Variants in FRMPD4 observed in about 807,000 individuals in gnomAD.
FRMPD4 encodes the protein FERM and PDZ domain-containing protein 4.
A neutral mutation model predicts 94.1 loss-of-function variants in FRMPD4; 22 were observed. The observed-to-expected ratio is 0.23, with a 90% CI of 0.17 to 0.33. FRMPD4 has a LOEUF of 0.33. Among genes scored for constraint, FRMPD4 ranks in the 10% least tolerant of loss-of-function variants. FRMPD4 has a pLI of 1.00. For synonymous variants in FRMPD4, 631 were observed against 548.6 expected, an observed-to-expected ratio of 1.15 and a Z score of -2.10; for missense variants, 1,111 against 1,339.9, an observed-to-expected ratio of 0.83 and a Z score of 2.67.
At chrX:12,261,306 G>A (rs2054185266) in intron 1 of FRMPD4, among the ~76,000 whole-genome samples, 1 of 111,969 alleles carries the variant, frequency 8.9e-6, no homozygotes, top group African/African-American at 3.2e-5. Flanking sequence ...AAAATAGAAT[G>A]TAAAATATAC....
intron 1 of FRMPD4, among the ~76,000 whole-genome samples, chrX:11,847,123 A>AC (rs1265469463): frequency 9.0e-6 from 1 of 110,769 alleles, no homozygotes; most frequent in Admixed American, 9.6e-5. Flanking sequence ...AATTTTCGCA[A>AC]CCTACTCATG....
chrX:12,710,634 G>A lies in FRMPD4; in HGVS notation c.1609+97G>A, dbSNP rs746784507. On this transcript the variant is annotated intron_variant, in intron 14 of 16. Coordinates refer to ENST00000675598, the MANE Select transcript of FRMPD4 (RefSeq NM_001368397.1). ...GTTTTCTGAAAAGTTAAGGCCAGGC[G>A]CGGTGGCTCACGCCTGTAATCCTGG... 4.3e-5 allele frequency: 36 copies of A among 837,312 alleles called. No individual in the cohort carries two copies. The South Asian group carries it at 4.4e-4, about 10-fold the overall frequency. 69.0% of individuals were successfully genotyped at this position (837,312 alleles called of 1,213,427 possible).
At chrX:12,532,392 T>C (rs1429684537) in intron 2 of FRMPD4, among the ~76,000 whole-genome samples, 1 of 111,730 alleles carries the variant, frequency 9.0e-6, no homozygotes, top group Non-Finnish European at 1.9e-5. Context: ...TGGATAGACT[T>C]CAGAGAGTCC....
At chrX:12,219,973 C>T (rs1410966430) in intron 1 of FRMPD4, among the ~76,000 whole-genome samples, 1 of 111,802 alleles carries the variant, frequency 8.9e-6, no homozygotes, top group Admixed American at 9.5e-5. Flanking sequence ...GAAACCCTGT[C>T]TCTACCAAAA....
chrX:11,967,623 A>C (rs781275716), intron 3 of FRMPD4, among the ~76,000 whole-genome samples: 1 of 111,496 alleles, frequency 9.0e-6, no homozygotes, highest in South Asian at 3.8e-4. Context: ...TCAGAACCAA[A>C]TACTGGTCTT....
intron 1 of FRMPD4, among the ~76,000 whole-genome samples, chrX:12,246,165 C>T (rs1425257038): frequency 9.0e-6 from 1 of 111,539 alleles, no homozygotes; most frequent in African/African-American, 3.3e-5. Context: ...AATTACTGAA[C>T]CCCAAACCCC....
At chrX:12,470,278 A>G (rs1456946664) in intron 1 of FRMPD4, among the ~76,000 whole-genome samples, 1 of 111,960 alleles carries the variant, frequency 8.9e-6, no homozygotes, top group Non-Finnish European at 1.9e-5. Context: ...TGTCGTTAAC[A>G]TCTCTATATT....
intron 1 of FRMPD4, among the ~76,000 whole-genome samples, chrX:12,333,043 G>A (rs1369848889): frequency 9.0e-6 from 1 of 111,702 alleles, no homozygotes; most frequent in African/African-American, 3.2e-5. Context: ...CCTAACTACA[G>A]ATGTTTGCCA....
intron 2 of FRMPD4, among the ~76,000 whole-genome samples, chrX:12,574,809 G>A (rs1372154902): frequency 2.7e-5 from 3 of 112,126 alleles, no homozygotes; most frequent in Admixed American, 9.5e-5. Flanking sequence ...TGCCCAGCCC[G>A]GGGTATTTTA....
chrX:12,272,561 G>T (rs972771217), intron 1 of FRMPD4, among the ~76,000 whole-genome samples: 9 of 111,651 alleles, frequency 8.1e-5, no homozygotes, highest in African/African-American at 2.9e-4. Context: ...AGAAGGGACA[G>T]TTTCTACAAC....
At chrX:12,195,307 TAG>T (rs2147705205) in intron 1 of FRMPD4, among the ~76,000 whole-genome samples, 1 of 111,334 alleles carries the variant, frequency 9.0e-6, no homozygotes, top group African/African-American at 3.3e-5. Context: ...GGTGATTTTT[TAG>T]AAGGACCCAT....
intron 1 of FRMPD4, among the ~76,000 whole-genome samples, chrX:12,442,531 C>T (rs1354916378): frequency 1.8e-5 from 2 of 111,733 alleles, no homozygotes; most frequent in Admixed American, 1.9e-4. Context: ...CATAAGATAC[C>T]ACTTTACATT....
chrX:11,978,321 CAAAAAAAAAAAAA>C (rs1172824155), intron 3 of FRMPD4, among the ~76,000 whole-genome samples: 1 of 16,355 alleles, frequency 6.1e-5, no homozygotes, highest in Non-Finnish European at 1.0e-4. Context: ...AACTCCATCT[CAAAAAAAAAAAAA>C]AAAAAAAAAA....
intron 2 of FRMPD4, among the ~76,000 whole-genome samples, chrX:12,523,888 C>T (rs2058191559): frequency 9.0e-6 from 1 of 110,655 alleles, no homozygotes; most frequent in Non-Finnish European, 1.9e-5. Flanking sequence ...AGCATGGTAG[C>T]TCATGCCTGT....
chrX:12,402,294 G>A (rs973148663), intron 1 of FRMPD4, among the ~76,000 whole-genome samples: 1 of 111,321 alleles, frequency 9.0e-6, no homozygotes, highest in Non-Finnish European at 1.9e-5. Flanking sequence ...AGAAGTCTCT[G>A]TGCAAGTGAC....
chrX:12,329,620 A>G (rs1359452916), intron 1 of FRMPD4, among the ~76,000 whole-genome samples: 1 of 110,801 alleles, frequency 9.0e-6, no homozygotes, highest in Admixed American at 9.7e-5. Context: ...AGTCAGAGAG[A>G]CTTTCCAACA....
At chrX:12,636,181 G>T (rs774731655) in intron 4 of FRMPD4, among the ~76,000 whole-genome samples, 13 of 111,995 alleles carry the variant, frequency 1.2e-4, no homozygotes, top group Non-Finnish European at 2.1e-4. Context: ...TTGAATCGAG[G>T]TCCAAATGAA....
At chrX:12,374,548 A>G (rs1449956010) in intron 1 of FRMPD4, among the ~76,000 whole-genome samples, 4 of 111,751 alleles carry the variant, frequency 3.6e-5, no homozygotes, top group African/African-American at 1.3e-4. Context: ...ATCAAGATAA[A>G]TAATATTGGA....
chrX:12,278,230 G>T (rs1490668024), intron 1 of FRMPD4, among the ~76,000 whole-genome samples: 1 of 112,014 alleles, frequency 8.9e-6, no homozygotes, highest in Admixed American at 9.4e-5. Flanking sequence ...CAACAAAAAA[G>T]TCAGAAGAAG....
Sources: gnomAD v4.1 joint callset for allele counts (sites outside exome capture counted in the v4.1 genomes callset) on GRCh38, gnomAD v4.1.1 for gene constraint, MANE v1.5 for transcripts, NCBI Gene and HGNC (gene_info 2026-07-23, HGNC 2026-07-21) for gene names.